The following GALNTL6 variants were observed in gnomAD, a reference collection of about 807,000 sequenced individuals.
The protein encoded by GALNTL6 is polypeptide N-acetylgalactosaminyltransferase like 6.
A neutral mutation model predicts 73.7 loss-of-function variants in GALNTL6; 46 were observed. That is an observed-to-expected ratio of 0.62 (90% CI 0.49 to 0.80). The LOEUF (loss-of-function observed/expected upper bound fraction) is 0.80, where lower values mean the gene tolerates loss of function less well. Among genes scored for constraint, GALNTL6 ranks in the 30% least tolerant of loss-of-function variants. The pLI, the probability that GALNTL6 is intolerant of heterozygous loss-of-function variation, is 0.00. For synonymous variants in GALNTL6, 259 were observed against 263.7 expected (o/e 0.98, Z 0.17); for missense variants, 604 against 755.0 (o/e 0.80, Z 2.34).
intron 10 of GALNTL6, among the ~76,000 whole-genome samples, chr4:172,993,797 A>G (rs1244123402): frequency 1.3e-5 from 2 of 152,118 alleles, no homozygotes; most frequent in Admixed American, 6.6e-5. Context: ...TGGCACATGC[A>G]TGTACTCCCA....
intron 2 of GALNTL6, among the ~76,000 whole-genome samples, chr4:171,880,950 A>T (rs535464744): frequency 6.6e-6 from 1 of 152,174 alleles, no homozygotes; most frequent in South Asian, 2.1e-4. Flanking sequence ...GCTCTTGGGC[A>T]TTTTTTTCTA....
chr4:172,135,521 C>T (rs1419213269), intron 2 of GALNTL6, among the ~76,000 whole-genome samples: 3 of 152,060 alleles, frequency 2.0e-5, no homozygotes, highest in Non-Finnish European at 2.9e-5. Context: ...GTAGAATTCT[C>T]AATTGAGAAT....
intron 5 of GALNTL6, among the ~76,000 whole-genome samples, chr4:172,396,883 C>T (rs1743867742): frequency 6.6e-6 from 1 of 152,158 alleles, no homozygotes; most frequent in South Asian, 2.1e-4. Context: ...TGCTTACTTT[C>T]AGGACTAATA....
chr4:172,336,058 T>A (rs545968396), intron 4 of GALNTL6, among the ~76,000 whole-genome samples: 76 of 152,224 alleles, frequency 5.0e-4, no homozygotes, highest in African/African-American at 1.7e-3. Flanking sequence ...TTGAGACCAT[T>A]CTAACTTCTT....
intron 4 of GALNTL6, among the ~76,000 whole-genome samples, chr4:172,312,392 A>G (rs538084737): frequency 6.6e-4 from 101 of 152,198 alleles, no homozygotes; most frequent in African/African-American, 2.4e-3. Flanking sequence ...ATCTAACATC[A>G]CTTATTGTAC....
chr4:172,788,725 A>G (rs1398527574), intron 5 of GALNTL6, among the ~76,000 whole-genome samples: 1 of 151,774 alleles, frequency 6.6e-6, no homozygotes, highest in South Asian at 2.1e-4. Flanking sequence ...ACATACTTAC[A>G]AGGAGAGAAC....
At chr4:172,568,745 G>A (rs1344634767) in intron 5 of GALNTL6, among the ~76,000 whole-genome samples, 1 of 101,064 alleles carries the variant, frequency 9.9e-6, no homozygotes, top group African/African-American at 4.0e-5. Context: ...GCCACAGAGC[G>A]AGACTCCATC....
At chr4:171,905,360 A>G (rs1222066390) in intron 2 of GALNTL6, among the ~76,000 whole-genome samples, 1 of 152,138 alleles carries the variant, frequency 6.6e-6, no homozygotes, top group Non-Finnish European at 1.5e-5. Context: ...CTCTGATAAA[A>G]CAGACTTTAA....
intron 8 of GALNTL6, among the ~76,000 whole-genome samples, chr4:172,892,854 G>T (rs1005026005): frequency 6.6e-6 from 1 of 152,032 alleles, no homozygotes; most frequent in African/African-American, 2.4e-5. Flanking sequence ...CCTCCCTCAG[G>T]GGCAGCCCAA....
chr4:172,855,511 A>T (rs756731973), intron 7 of GALNTL6, among the ~76,000 whole-genome samples: 1 of 152,206 alleles, frequency 6.6e-6, no homozygotes, highest in Non-Finnish European at 1.5e-5. Context: ...CTTGAGAAAG[A>T]ATGACCAATT....
chr4:172,187,454 T>G (rs747139510), intron 2 of GALNTL6, among the ~76,000 whole-genome samples: 13 of 152,074 alleles, frequency 8.5e-5, no homozygotes, highest in Non-Finnish European at 1.5e-4. Flanking sequence ...CTCGAGACAA[T>G]CAAAATAGCT....
At chr4:172,235,796 C>G (rs1737222523) in intron 3 of GALNTL6, among the ~76,000 whole-genome samples, 1 of 152,072 alleles carries the variant, frequency 6.6e-6, no homozygotes, top group Non-Finnish European at 1.5e-5. Flanking sequence ...CCACTTCACT[C>G]CCCCTGCCCT....
Position 172,959,125 on chromosome 4 carries a change from T to C in GALNTL6, c.1371+6867T>C, listed in dbSNP as rs183644650. Among the ~76,000 whole-genome samples, 589 of 151,760 alleles carry C rather than the reference T, an allele frequency of 3.9e-3. 3 individuals carry two copies. Among genetic ancestry groups the C allele is most frequent in the African/African-American group, 0.014 (562 of 41,350 alleles). On this transcript the variant is annotated intron_variant, in intron 10 of 12. Coordinates refer to ENST00000506823, the MANE Select transcript of GALNTL6 (RefSeq NM_001034845.3). ...TGCGGGATGGGATATTGGCATTGAGTGGGGTAAGGGTGATTAGGTTTTAAT... is the reference window on the plus strand; with the variant it reads ...TGCGGGATGGGATATTGGCATTGAGCGGGGTAAGGGTGATTAGGTTTTAAT...
chr4:172,189,803 A>C (rs949707058), intron 2 of GALNTL6, among the ~76,000 whole-genome samples: 1 of 152,074 alleles, frequency 6.6e-6, no homozygotes, highest in African/African-American at 2.4e-5. Flanking sequence ...TGAAATTCAG[A>C]CTATTACAAT....
chr4:172,214,519 C>CTTTTTTTTTTTTTTTTTTTCTT (rs34845361), intron 2 of GALNTL6, among the ~76,000 whole-genome samples: 1 of 142,548 alleles, frequency 7.0e-6, no homozygotes. Context: ...ATTTCTTTTC[C>CTTTTTTTTTTTTTTTTTTTCTT]TTTTTTTTTT....
chr4:172,394,428 CTTTTTTT>C (rs201130774), intron 5 of GALNTL6, among the ~76,000 whole-genome samples: 2 of 120,180 alleles, frequency 1.7e-5, no homozygotes, highest in Non-Finnish European at 3.4e-5. Context: ...TCTTCTTCTT[CTTTTTTT>C]TTTTTTTTTT....
chr4:172,255,520 T>C (rs1192654645), intron 3 of GALNTL6, among the ~76,000 whole-genome samples: 1 of 151,592 alleles, frequency 6.6e-6, no homozygotes, highest in African/African-American at 2.4e-5. Flanking sequence ...AACCTCTAAA[T>C]GCTTTTAATA....
intron 3 of GALNTL6, among the ~76,000 whole-genome samples, chr4:172,263,091 A>G (rs1210039502): frequency 2.0e-5 from 3 of 151,342 alleles, no homozygotes; most frequent in East Asian, 3.9e-4. Flanking sequence ...TGATGACCAT[A>G]TGTCTAGATG....
At chr4:171,911,086 C>T (rs1407510322) in intron 2 of GALNTL6, among the ~76,000 whole-genome samples, 1 of 152,136 alleles carries the variant, frequency 6.6e-6, no homozygotes, top group Non-Finnish European at 1.5e-5. Flanking sequence ...GTGAACAATG[C>T]CATTCAGATA....
Sources: gnomAD v4.1 joint callset for allele counts (sites outside exome capture counted in the v4.1 genomes callset) on GRCh38, gnomAD v4.1.1 for gene constraint, MANE v1.5 for transcripts, NCBI Gene and HGNC (gene_info 2026-07-23, HGNC 2026-07-21) for gene names.